Variants in RBFOX1 observed in about 807,000 individuals in gnomAD.
RBFOX1 encodes RNA binding fox-1 homolog 1, also known as RNA binding protein fox-1 homolog 1.
Under a neutral mutation model 57.7 loss-of-function variants are expected in RBFOX1, and 8 were observed. That is an observed-to-expected ratio of 0.14 (90% CI 0.08 to 0.25). The LOEUF (loss-of-function observed/expected upper bound fraction) is 0.25. Ranked by LOEUF, RBFOX1 falls within the 10% of genes least tolerant of loss-of-function variation. RBFOX1 has a pLI of 1.00. For missense variants in RBFOX1, 611 were observed against 548.5 expected (o/e 1.11, Z -1.14); for synonymous variants, 326 against 222.4 (o/e 1.47, Z -4.15).
At chr16:6,884,646 C>T (rs1014105702) in intron 3 of RBFOX1, among the ~76,000 whole-genome samples, 10 of 152,114 alleles carry the variant, frequency 6.6e-5, no homozygotes, top group South Asian at 4.2e-4. Context: ...CACCTGTAAT[C>T]CCAGCACTAG....
intron 2 of RBFOX1, among the ~76,000 whole-genome samples, chr16:6,452,444 A>G (rs2094653791): frequency 6.6e-6 from 1 of 151,512 alleles, no homozygotes; most frequent in Admixed American, 6.6e-5. Context: ...GACTCCATCC[A>G]TGGCCCCTTC....
chr16:6,260,054 A>T (rs1449042055), intron 1 of RBFOX1, among the ~76,000 whole-genome samples: 1 of 152,058 alleles, frequency 6.6e-6, no homozygotes, highest in Non-Finnish European at 1.5e-5. Flanking sequence ...TCTTCGTGAG[A>T]AATGGCATTT....
chr16:7,134,676 C>CAG (rs1567397213), intron 4 of RBFOX1, among the ~76,000 whole-genome samples: 1 of 152,212 alleles, frequency 6.6e-6, no homozygotes, highest in Non-Finnish European at 1.5e-5. Flanking sequence ...TTCACATCAA[C>CAG]AGAGGCTACT....
chr16:7,503,267 G>T (rs368568497), intron 4 of RBFOX1, among the ~76,000 whole-genome samples: 4 of 152,132 alleles, frequency 2.6e-5, no homozygotes, highest in Non-Finnish European at 4.4e-5. Flanking sequence ...AGTCAGCAAC[G>T]TTCACGGCAG....
chr16:7,095,355 C>A (rs914947088), intron 4 of RBFOX1, among the ~76,000 whole-genome samples: 4 of 152,158 alleles, frequency 2.6e-5, no homozygotes, highest in Non-Finnish European at 4.4e-5. Context: ...CCAGGCTGGT[C>A]TCGAACTCCT....
chr16:5,913,788 T>C (rs541265693), intron 4 of RBFOX1, among the ~76,000 whole-genome samples: 2 of 152,322 alleles, frequency 1.3e-5, no homozygotes, highest in East Asian at 3.9e-4. Flanking sequence ...CTGGCCTTTG[T>C]TAAAGGTTTG....
chr16:7,634,700 C>G (rs138415844), intron 11 of RBFOX1, among the ~76,000 whole-genome samples: 1 of 152,234 alleles, frequency 6.6e-6, no homozygotes, highest in East Asian at 1.9e-4. Context: ...CATCGGACCC[C>G]AAATGACTCC....
chr16:5,254,102 G>C (rs1348015225), intron 1 of RBFOX1, among the ~76,000 whole-genome samples: 1 of 152,198 alleles, frequency 6.6e-6, no homozygotes, highest in African/African-American at 2.4e-5. Context: ...TGTGTCTCTA[G>C]TGTTTAGTAT....
At chr16:5,304,191 G>A (rs777359852) in intron 1 of RBFOX1, among the ~76,000 whole-genome samples, 2 of 152,170 alleles carry the variant, frequency 1.3e-5, no homozygotes, top group Non-Finnish European at 2.9e-5. Context: ...AGTTTTATTG[G>A]AATCTGTAGC....
intron 3 of RBFOX1, among the ~76,000 whole-genome samples, chr16:5,632,940 C>CTTTT (rs71142634): frequency 0.058 from 7,225 of 125,474 alleles, 786 homozygotes; most frequent in African/African-American, 0.16. Flanking sequence ...TTAACAACTC[C>CTTTT]TTTTTTTTTT....
chr16:5,480,698 C>T (rs773972452), intron 2 of RBFOX1, among the ~76,000 whole-genome samples: 8 of 152,172 alleles, frequency 5.3e-5, no homozygotes, highest in African/African-American at 1.7e-4. Context: ...TCATTCATAA[C>T]ACACTCTTTT....
intron 3 of RBFOX1, among the ~76,000 whole-genome samples, chr16:6,797,939 A>G (rs2084466038): frequency 1.3e-5 from 2 of 152,012 alleles, no homozygotes; most frequent in Non-Finnish European, 2.9e-5. Flanking sequence ...TTGTCTTTGA[A>G]ATGGAGATGA....
intron 1 of RBFOX1, among the ~76,000 whole-genome samples, chr16:6,288,540 G>C (rs2077128690): frequency 6.6e-6 from 1 of 152,160 alleles, no homozygotes; most frequent in African/African-American, 2.4e-5. Context: ...TCCTATGCTA[G>C]ATACTGCGTC....
intron 4 of RBFOX1, among the ~76,000 whole-genome samples, chr16:7,365,730 G>A (rs751942022): frequency 8.5e-5 from 13 of 152,196 alleles, no homozygotes; most frequent in Non-Finnish European, 1.6e-4. Context: ...CAAGAGTGCA[G>A]AGATAGAGAA....
chr16:5,726,530 G>T (rs531328688), intron 3 of RBFOX1, among the ~76,000 whole-genome samples: 3 of 152,292 alleles, frequency 2.0e-5, no homozygotes, highest in South Asian at 2.1e-4. Context: ...CCCATGCCGT[G>T]AGGTCAGCCA....
intron 1 of RBFOX1, among the ~76,000 whole-genome samples, chr16:5,347,530 G>T (rs2065166350): frequency 6.6e-6 from 1 of 152,038 alleles, no homozygotes; most frequent in African/African-American, 2.4e-5. Flanking sequence ...CCATACACTT[G>T]GAAAATCACT....
chr16:6,912,510 A>G (rs2071908816), intron 3 of RBFOX1, among the ~76,000 whole-genome samples: 1 of 152,136 alleles, frequency 6.6e-6, no homozygotes, highest in Non-Finnish European at 1.5e-5. Context: ...GTGGGCTAAG[A>G]TAACTAAACT....
chr16:6,528,641 C>T (rs1029566198), intron 2 of RBFOX1, among the ~76,000 whole-genome samples: 1 of 152,158 alleles, frequency 6.6e-6, no homozygotes, highest in African/African-American at 2.4e-5. Flanking sequence ...CAGCTGTGGG[C>T]AGGGGCTCAT....
intron 4 of RBFOX1, among the ~76,000 whole-genome samples, chr16:7,491,797 A>G (rs747155923): frequency 3.9e-5 from 6 of 152,100 alleles, no homozygotes; most frequent in Non-Finnish European, 5.9e-5. Flanking sequence ...TGCCCAGCTA[A>G]TTAATATATA....
Sources: allele counts gnomAD v4.1 joint callset (sites outside exome capture counted in the v4.1 genomes callset), GRCh38; gene constraint gnomAD v4.1.1; transcripts MANE v1.5; gene names NCBI Gene and HGNC (gene_info 2026-07-23, HGNC 2026-07-21).